HERC3: variants seen among roughly 807,000 people sequenced by gnomAD.
HERC3 encodes the protein HECT and RLD domain containing E3 ubiquitin protein ligase 3.
Under a neutral mutation model 129.9 loss-of-function variants are expected in HERC3, and 58 were observed. The observed-to-expected ratio is 0.45, with a 90% CI of 0.36 to 0.56. The LOEUF (loss-of-function observed/expected upper bound fraction) is 0.56. Ranked by LOEUF, HERC3 falls within the 20% of genes least tolerant of loss-of-function variation. The pLI, the probability that HERC3 is intolerant of heterozygous loss-of-function variation, is 0.00. For missense variants in HERC3, 835 were observed against 1,244.2 expected (o/e 0.67, Z 4.95); for synonymous variants, 430 against 451.0 (o/e 0.95, Z 0.59).
At chr4:88,690,217 A>G (rs1733933474) in intron 23 of HERC3, 2 of 978,478 alleles carry the variant, frequency 2.0e-6, no homozygotes, top group Non-Finnish European at 2.4e-6. Flanking sequence ...TTAACAGTAA[A>G]TAATTTATCT....
At chr4:88,638,968 TAATG>T (rs776501988) in intron 3 of HERC3, among the ~76,000 whole-genome samples, 11 of 152,000 alleles carry the variant, frequency 7.2e-5, no homozygotes, top group Non-Finnish European at 1.5e-4. Flanking sequence ...GAGAGCCAAA[TAATG>T]AATGAACTCC....
chr4:88,688,585 G>A (rs1306747469), intron 23 of HERC3, among the ~76,000 whole-genome samples: 1 of 152,108 alleles, frequency 6.6e-6, no homozygotes, highest in East Asian at 1.9e-4. Context: ...AACACTAATA[G>A]GAAACAGAGT....
At chr4:88,586,343 CTTTT>C in the HERC3 span, among the ~76,000 whole-genome samples, 20 of 142,538 alleles carry the variant, frequency 1.4e-4, no homozygotes, top group Admixed American at 7.8e-4. Context: ...GAATAAGCCA[CTTTT>C]TTTTTTTTTC....
chr4:88,651,513 T>G (rs1370490006), intron 4 of HERC3, among the ~76,000 whole-genome samples: 1 of 152,218 alleles, frequency 6.6e-6, no homozygotes, highest in African/African-American at 2.4e-5. Context: ...TACAGGGTTA[T>G]GGGGAGGATA....
In HERC3 at chr4:88,655,351, T is replaced by C. The variant is rs181618626; in HGVS notation, c.908+47T>C. ...CTTGTATTCACTAGGACCCAGAAATTGGTCTTATCTTTGTAGTGATGAAGA... is the reference window on the plus strand; with the variant it reads ...CTTGTATTCACTAGGACCCAGAAATCGGTCTTATCTTTGTAGTGATGAAGA... On this transcript the variant is annotated intron_variant, in intron 8 of 25. Transcript: ENST00000402738. The C allele has an allele frequency of 1.9e-5, 30 of 1,606,006 alleles. No individual in the cohort carries two copies. The African/African-American group carries it at 3.6e-4, about 19-fold the overall frequency.
At chr4:88,620,055 T>A (rs1271064600) in intron 3 of HERC3, among the ~76,000 whole-genome samples, 1 of 152,224 alleles carries the variant, frequency 6.6e-6, no homozygotes. Context: ...AACAGTTCCA[T>A]TTTTAGGAAG....
intron 3 of HERC3, 64 bp from the exon 4 acceptor site, chr4:88,649,776 G>A: frequency 1.4e-6 from 2 of 1,381,780 alleles, no homozygotes; most frequent in African/African-American, 1.4e-5. Context: ...ATAATCCTGT[G>A]TAATGGTAGC....
At chr4:88,645,514 C>T (rs1728594904) in intron 3 of HERC3, among the ~76,000 whole-genome samples, 1 of 151,994 alleles carries the variant, frequency 6.6e-6, no homozygotes, top group Non-Finnish European at 1.5e-5. Flanking sequence ...ATATAGTAGT[C>T]CCTCCTTATC....
At chr4:88,554,854 G>A in the HERC3 span, among the ~76,000 whole-genome samples, 1 of 152,140 alleles carries the variant, frequency 6.6e-6, no homozygotes, top group African/African-American at 2.4e-5. Flanking sequence ...TGCTGCTTTT[G>A]TTATTTTGGA....
At chr4:88,702,754 A>G (rs548679903) in intron 23 of HERC3, among the ~76,000 whole-genome samples, 1 of 152,354 alleles carries the variant, frequency 6.6e-6, no homozygotes, top group South Asian at 2.1e-4. Flanking sequence ...CCTACCCGCT[A>G]GCACAGTGGC....
chr4:88,539,473 A>G, the HERC3 span, among the ~76,000 whole-genome samples: 1 of 152,104 alleles, frequency 6.6e-6, no homozygotes, highest in African/African-American at 2.4e-5. Flanking sequence ...ACCTCTATAG[A>G]CTCCACCTCT....
intron 23 of HERC3, among the ~76,000 whole-genome samples, chr4:88,703,612 T>C (rs552239442): frequency 1.3e-5 from 2 of 152,298 alleles, no homozygotes; most frequent in South Asian, 4.1e-4. Context: ...TTCCCAGAGG[T>C]AAAGGTTTTA....
At position 88,678,207 on chromosome 4, in the gene HERC3, G is replaced by A. The variant is rs1297614790; in HGVS notation, c.2196+73G>A. The A allele has an allele frequency of 3.7e-6, 5 of 1,357,606 alleles. No individual in the cohort carries two copies. In the African/African-American group the frequency reaches 5.8e-5, roughly 16 times the overall value. The allele number at this position is 1,357,606 out of a possible 1,614,324, so 84.1% of individuals were successfully genotyped here. On this transcript the variant is annotated intron_variant, in intron 19 of 25. Coordinates refer to ENST00000402738, the MANE Select transcript of HERC3 (RefSeq NM_014606.3). Reference sequence around the variant, plus strand: ...TGAACAGTGTTGATTAAGCAGCAGTGATCTTATTAAAATTGTGGGGTGCAG... The same window carrying A: ...TGAACAGTGTTGATTAAGCAGCAGTAATCTTATTAAAATTGTGGGGTGCAG...
At chr4:88,643,369 T>A (rs552261266) in intron 3 of HERC3, among the ~76,000 whole-genome samples, 46 of 152,322 alleles carry the variant, frequency 3.0e-4, no homozygotes, top group South Asian at 1.4e-3. Context: ...GGATTCTTTT[T>A]TTGTAGATAT....
At chr4:88,538,095 T>C in the HERC3 span, among the ~76,000 whole-genome samples, 1 of 152,256 alleles carries the variant, frequency 6.6e-6, no homozygotes, top group South Asian at 2.1e-4. Flanking sequence ...AGAACTATAT[T>C]GAAATGGTAC....
chr4:88,662,321 C>A, intron 10 of HERC3, 110 bp from the exon 11 acceptor site: 2 of 1,092,120 alleles, frequency 1.8e-6, no homozygotes, highest in Non-Finnish European at 2.6e-6. Flanking sequence ...CACACTGCAG[C>A]ATTTAGATCA....
intron 23 of HERC3, among the ~76,000 whole-genome samples, chr4:88,694,024 C>T (rs558966806): frequency 2.0e-5 from 3 of 152,244 alleles, no homozygotes; most frequent in African/African-American, 4.8e-5. Context: ...TGGCAGAAAT[C>T]GCTTGACGTC....
At chr4:88,568,809 C>A in the HERC3 span, among the ~76,000 whole-genome samples, 15 of 152,066 alleles carry the variant, frequency 9.9e-5, no homozygotes, top group Admixed American at 2.6e-4. Context: ...GTGCCCTCTT[C>A]CACTGCAGCT....
the HERC3 span, among the ~76,000 whole-genome samples, chr4:88,573,828 G>C: frequency 5.3e-5 from 8 of 152,216 alleles, no homozygotes; most frequent in South Asian, 1.7e-3. Flanking sequence ...CTCCAAAAAT[G>C]GTAAGATTTG....
Sources: gnomAD v4.1 joint callset for allele counts (sites outside exome capture counted in the v4.1 genomes callset) on GRCh38, gnomAD v4.1.1 for gene constraint, MANE v1.5 for transcripts, NCBI Gene and HGNC (gene_info 2026-07-23, HGNC 2026-07-21) for gene names.